SNX10: variants seen among roughly 807,000 people sequenced by gnomAD.
The protein encoded by SNX10 is sorting nexin 10.
Under a neutral mutation model 28.5 loss-of-function variants are expected in SNX10, and 25 were observed. That is an observed-to-expected ratio of 0.88 (90% CI 0.64 to 1.22). The LOEUF is 1.22. Among genes scored for constraint, SNX10 ranks in the 50% most tolerant of loss-of-function variants. SNX10 has a pLI of 0.00. For missense variants in SNX10, 223 were observed against 242.6 expected, an observed-to-expected ratio of 0.92 and a Z score of 0.54; for synonymous variants, 62 against 81.4, an observed-to-expected ratio of 0.76 and a Z score of 1.28.
intron 1 of SNX10, among the ~76,000 whole-genome samples, chr7:26,339,850 CTTT>C (rs34466986): frequency 7.1e-6 from 1 of 140,330 alleles, no homozygotes; most frequent in African/African-American, 2.6e-5. Context: ...CCTGGCCGAT[CTTT>C]TTTTTTTTTT....
intron 5 of SNX10, among the ~76,000 whole-genome samples, chr7:26,366,742 C>T (rs1584177367): frequency 6.6e-6 from 1 of 152,200 alleles, no homozygotes; most frequent in African/African-American, 2.4e-5. Flanking sequence ...GAAGGCAGCA[C>T]GTACCTCTGA....
intron 2 of SNX10, among the ~76,000 whole-genome samples, chr7:26,357,397 A>T (rs1309685771): frequency 1.3e-5 from 2 of 151,124 alleles, no homozygotes; most frequent in Non-Finnish European, 2.9e-5. Context: ...AGTTAAAGGC[A>T]TGGAAGTGTG....
intron 1 of SNX10, among the ~76,000 whole-genome samples, chr7:26,330,211 A>T (rs1327624773): frequency 8.3e-6 from 1 of 120,660 alleles, no homozygotes; most frequent in East Asian, 2.3e-4. Context: ...TCCTTGTAGG[A>T]GGTCAGAAAA....
rs80076317 is a variant in SNX10, at chr7:26,315,352, A to C, written c.-24+23266A>C. ...CACATTAATCTATCCCCATTGTCCC[A>C]AAAGTGTCATAGCTTTTTAAAAATC... On this transcript the variant is annotated intron_variant, in intron 1 of 6. Coordinates refer to ENST00000338523, the MANE Select transcript of SNX10 (RefSeq NM_013322.3). Among the ~76,000 whole-genome samples, 648 of 152,306 alleles carry C rather than the reference A, an allele frequency of 4.3e-3. 8 individuals are homozygous for C. Among genetic ancestry groups the C allele is most frequent in the African/African-American group, 0.015 (613 of 41,574 alleles).
At chr7:26,323,874 C>T (rs758430823) in intron 1 of SNX10, among the ~76,000 whole-genome samples, 5 of 152,152 alleles carry the variant, frequency 3.3e-5, no homozygotes, top group Non-Finnish European at 4.4e-5. Context: ...CAGATAGCAC[C>T]TGCCATGGTG....
intron 1 of SNX10, among the ~76,000 whole-genome samples, chr7:26,321,984 C>T (rs746205621): frequency 6.6e-6 from 1 of 152,270 alleles, no homozygotes; most frequent in Non-Finnish European, 1.5e-5. Flanking sequence ...ATTGCTCATG[C>T]CACTCTCCCA....
intron 1 of SNX10, among the ~76,000 whole-genome samples, chr7:26,316,289 T>G (rs1787088946): frequency 6.6e-6 from 1 of 152,104 alleles, no homozygotes; most frequent in African/African-American, 2.4e-5. Context: ...GTAAATTGGC[T>G]TAGAATCACA....
intron 3 of SNX10, among the ~76,000 whole-genome samples, chr7:26,362,684 G>T (rs776157159): frequency 4.6e-5 from 7 of 152,174 alleles, no homozygotes; most frequent in African/African-American, 7.2e-5. Flanking sequence ...GTTCTGGTTG[G>T]CTTCTCTTAG....
intron 1 of SNX10, among the ~76,000 whole-genome samples, chr7:26,302,924 C>T (rs898821941): frequency 1.3e-5 from 2 of 151,852 alleles, no homozygotes; most frequent in African/African-American, 2.4e-5. Flanking sequence ...CCAGCCTGGG[C>T]GACAGAGTGA....
intron 2 of SNX10, among the ~76,000 whole-genome samples, chr7:26,350,078 C>T (rs1001497287): frequency 6.6e-6 from 1 of 152,192 alleles, no homozygotes. Context: ...TGTGTGCATG[C>T]GTGCATATCT....
intron 1 of SNX10, among the ~76,000 whole-genome samples, chr7:26,299,288 C>T (rs1021125621): frequency 3.3e-5 from 5 of 152,046 alleles, no homozygotes; most frequent in South Asian, 4.2e-4. Context: ...TTCTGCCTCC[C>T]GGGTTCAAGC....
chr7:26,353,686 A>G (rs992081741), intron 2 of SNX10, among the ~76,000 whole-genome samples: 2 of 152,090 alleles, frequency 1.3e-5, no homozygotes, highest in African/African-American at 4.8e-5. Context: ...TCCTCACCTC[A>G]GGTAATCTGC....
chr7:26,351,761 A>G (rs954399617), intron 2 of SNX10, among the ~76,000 whole-genome samples: 7 of 143,948 alleles, frequency 4.9e-5, no homozygotes, highest in Non-Finnish European at 8.9e-5. Context: ...GGTTCACACC[A>G]TTCTCCTGCC....
intron 1 of SNX10, among the ~76,000 whole-genome samples, chr7:26,312,569 A>G (rs992955458): frequency 2.0e-5 from 3 of 152,140 alleles, no homozygotes; most frequent in Non-Finnish European, 1.5e-5. Context: ...TCGGATCACA[A>G]GGTCAGGCGT....
intron 2 of SNX10, among the ~76,000 whole-genome samples, chr7:26,346,719 C>T (rs2128012317): frequency 6.6e-6 from 1 of 152,308 alleles, no homozygotes; most frequent in South Asian, 2.1e-4. Context: ...CAGGCTCTGC[C>T]TCCCACCCCT....
At chr7:26,314,112 CA>C (rs1786964956) in intron 1 of SNX10, among the ~76,000 whole-genome samples, 1 of 152,038 alleles carries the variant, frequency 6.6e-6, no homozygotes, top group Non-Finnish European at 1.5e-5. Context: ...ACGCCTGGCC[CA>C]AGAACCTGAA....
chr7:26,355,952 A>G (rs1788801790), intron 2 of SNX10, among the ~76,000 whole-genome samples: 1 of 152,194 alleles, frequency 6.6e-6, no homozygotes, highest in African/African-American at 2.4e-5. Flanking sequence ...GGTTGTTGTA[A>G]AGATTGAAGA....
rs77024789 is a variant in SNX10 at position 26,327,074 on chromosome 7, C to T, written c.-23-19346C>T. Among the ~76,000 whole-genome samples, 618 of 152,078 alleles carry T rather than the reference C, an allele frequency of 4.1e-3. 7 individuals are homozygous for T. Among genetic ancestry groups the T allele is most frequent in the African/African-American group, 0.014 (600 of 41,474 alleles). ...CAAGCGGTTCTTGTGCCTCAGCCTC[C>T]AGAGTAGCTGGGATTACAGGTGTGC... On this transcript the variant is annotated intron_variant, in intron 1 of 6. Transcript: ENST00000338523.
chr7:26,361,075 C>A lies in SNX10; in HGVS notation c.111+14C>A. ...ATATGTATTCATGTAAGTATGTAGT[C>A]AGTAGAAATAGTAATTTTGAGGGAC... is the stretch of plus-strand genomic sequence containing the variant. On this transcript the variant is annotated intron_variant, in intron 3 of 6. Transcript: ENST00000338523. The A allele has an allele frequency of 6.3e-7, 1 of 1,578,204 alleles. No homozygotes were observed. The highest frequency in any genetic ancestry group is 8.6e-7 in the Non-Finnish European group (1 of 1,160,524).
Sources: gnomAD v4.1 joint callset for allele counts (sites outside exome capture counted in the v4.1 genomes callset) on GRCh38, gnomAD v4.1.1 for gene constraint, MANE v1.5 for transcripts, NCBI Gene and HGNC (gene_info 2026-07-23, HGNC 2026-07-21) for gene names.